The following STARD13 variants were observed in gnomAD, a reference collection of about 807,000 sequenced individuals.
The protein encoded by STARD13 is stAR-related lipid transfer protein 13.
In STARD13, 62 loss-of-function variants were observed where a neutral mutation model predicts 106.4. The ratio of observed to expected loss-of-function variants is 0.58; its 90% CI spans 0.48 to 0.72. STARD13 has a LOEUF of 0.72. Among genes scored for constraint, STARD13 ranks in the 30% least tolerant of loss-of-function variants. STARD13 has a pLI of 0.00. For synonymous variants in STARD13, 565 were observed against 553.0 expected (o/e 1.02, Z -0.31); for missense variants, 1,387 against 1,424.0 (o/e 0.97, Z 0.42).
intron 1 of STARD13, among the ~76,000 whole-genome samples, chr13:33,189,435 G>GA (rs780813312): frequency 2.0e-5 from 1 of 50,922 alleles, no homozygotes; most frequent in East Asian, 7.6e-4. Context: ...TCCTCCTTTC[G>GA]GAGGAAGGAG....
At chr13:33,299,982 C>T (rs1036709680) in intron 1 of STARD13, among the ~76,000 whole-genome samples, 15 of 152,170 alleles carry the variant, frequency 9.9e-5, no homozygotes, top group African/African-American at 3.4e-4. Flanking sequence ...TAGATTTCAT[C>T]AGATCTTCAA....
the STARD13 span, among the ~76,000 whole-genome samples, chr13:33,407,473 C>T: frequency 1.3e-5 from 2 of 152,130 alleles, no homozygotes; most frequent in Non-Finnish European, 2.9e-5. Context: ...TGGGTTTTGG[C>T]TTTTATTTTG....
intron 1 of STARD13, among the ~76,000 whole-genome samples, chr13:33,270,401 T>C (rs567450019): frequency 6.6e-6 from 1 of 152,194 alleles, no homozygotes; most frequent in African/African-American, 2.4e-5. Context: ...GGCACCTGTA[T>C]GCAGGCAAGT....
the STARD13 span, among the ~76,000 whole-genome samples, chr13:33,555,712 C>T: frequency 9.1e-4 from 138 of 152,260 alleles, no homozygotes; most frequent in Non-Finnish European, 1.6e-3. Context: ...TTAAGTGAAC[C>T]TAGAAAAGTC....
chr13:33,385,218 A>AATATATATATATAT, the STARD13 span, among the ~76,000 whole-genome samples: 85 of 33,572 alleles, frequency 2.5e-3, 2 homozygotes, highest in East Asian at 6.1e-3. Flanking sequence ...AAAGGTTCGG[A>AATATATATATATAT]ATATATATAT....
intron 3 of STARD13, among the ~76,000 whole-genome samples, chr13:33,161,377 C>A (rs1421675337): frequency 6.6e-6 from 1 of 151,796 alleles, no homozygotes; most frequent in Non-Finnish European, 1.5e-5. Flanking sequence ...TGCAGTGGCA[C>A]AACCTTGGCT....
At chr13:33,592,867 C>G in the STARD13 span, among the ~76,000 whole-genome samples, 12,250 of 152,202 alleles carry the variant, frequency 0.08, 683 homozygotes, top group East Asian at 0.25. Context: ...GCCTAAAGCC[C>G]AAGCTCCCTC....
At chr13:33,292,278 T>C (rs939075300) in intron 1 of STARD13, among the ~76,000 whole-genome samples, 2 of 151,852 alleles carry the variant, frequency 1.3e-5, no homozygotes, top group South Asian at 2.1e-4. Flanking sequence ...TCAAGATAAA[T>C]ACAGATCACC....
Position 33,205,957 on chromosome 13 carries a change from G to A in STARD13, c.170-38335C>T, listed in dbSNP as rs1056903997. The A allele has an allele frequency of 7.1e-6, 7 of 985,066 alleles. No homozygotes were observed. In the African/African-American group the frequency reaches 1.1e-4, roughly 15 times the overall value. 61.0% of individuals were successfully genotyped at this position (985,066 alleles called of 1,614,324 possible). A position where few individuals can be genotyped will look rare whatever the true frequency, so the allele number is the denominator to read the frequency against. ...ATCTGTCACCGAGTGTTTTCTCTTC[G>A]TTATCTCTGCCAGCTAATATTTCCT... On this transcript the variant is annotated intron_variant, in intron 1 of 13. Coordinates refer to ENST00000336934, the MANE Select transcript of STARD13 (RefSeq NM_178006.4).
intron 1 of STARD13, among the ~76,000 whole-genome samples, chr13:33,319,854 T>G (rs528634047): frequency 6.6e-6 from 1 of 152,346 alleles, no homozygotes; most frequent in East Asian, 1.9e-4. Flanking sequence ...TGCATACTTG[T>G]GTACTCCTTG....
At chr13:33,125,972 G>A in intron 7 of STARD13, 109 bp downstream of exon 7, 1 of 1,167,708 alleles carries the variant, frequency 8.6e-7, no homozygotes, top group South Asian at 1.5e-5. Flanking sequence ...TATTTTTGGT[G>A]AGGCATGTCT....
At chr13:33,569,570 T>C in the STARD13 span, among the ~76,000 whole-genome samples, 2 of 147,484 alleles carry the variant, frequency 1.4e-5, 1 homozygote, top group Non-Finnish European at 3.0e-5. Context: ...AGATGTTAAA[T>C]GAGGTGAAAG....
At chr13:33,643,596 A>C in the STARD13 span, among the ~76,000 whole-genome samples, 1 of 152,244 alleles carries the variant, frequency 6.6e-6, no homozygotes, top group Non-Finnish European at 1.5e-5. Context: ...CTTTGGAGAA[A>C]GTTCTTTGTC....
intron 1 of STARD13, among the ~76,000 whole-genome samples, chr13:33,327,622 C>A (rs1335633305): frequency 1.3e-5 from 2 of 152,216 alleles, no homozygotes; most frequent in East Asian, 3.9e-4. Flanking sequence ...CCTCTGGGTT[C>A]AGCCTCCGAT....
At chr13:33,310,274 G>T (rs1226547647) in intron 1 of STARD13, among the ~76,000 whole-genome samples, 2 of 152,082 alleles carry the variant, frequency 1.3e-5, no homozygotes, top group Non-Finnish European at 2.9e-5. Context: ...AGACAAGACT[G>T]CAGGAAAAGA....
chr13:33,494,725 C>CT, the STARD13 span, among the ~76,000 whole-genome samples: 107 of 146,754 alleles, frequency 7.3e-4, 1 homozygote, highest in East Asian at 9.9e-3. Context: ...AAAAGCAGTA[C>CT]TTTTTTTTTT....
chr13:33,576,538 G>A, the STARD13 span, among the ~76,000 whole-genome samples: 9 of 151,968 alleles, frequency 5.9e-5, no homozygotes, highest in African/African-American at 2.2e-4. Flanking sequence ...CCAGCTTAAC[G>A]CTTCTCTCTT....
chr13:33,435,052 A>C, the STARD13 span, among the ~76,000 whole-genome samples: 1 of 152,158 alleles, frequency 6.6e-6, no homozygotes, highest in Non-Finnish European at 1.5e-5. Context: ...AGGATTTTTA[A>C]AACAGGTGGC....
chr13:33,603,431 T>C, the STARD13 span, among the ~76,000 whole-genome samples: 1 of 152,130 alleles, frequency 6.6e-6, no homozygotes, highest in African/African-American at 2.4e-5. Flanking sequence ...TCCTAACCCC[T>C]AACATACATA....
Sources: gnomAD v4.1 joint callset for allele counts (sites outside exome capture counted in the v4.1 genomes callset) on GRCh38, gnomAD v4.1.1 for gene constraint, MANE v1.5 for transcripts, NCBI Gene and HGNC (gene_info 2026-07-23, HGNC 2026-07-21) for gene names.